Variants in LYPLAL1 observed in about 807,000 individuals in gnomAD.
LYPLAL1 encodes the protein lysophospholipase-like protein 1.
In LYPLAL1, 23 loss-of-function variants were observed where a neutral mutation model predicts 19.7. The ratio of observed to expected loss-of-function variants is 1.17; its 90% CI spans 0.84 to 1.65. The LOEUF (loss-of-function observed/expected upper bound fraction) is 1.65, where lower values mean the gene tolerates loss of function less well. LYPLAL1 is among the 40% of genes most tolerant of loss of function. The pLI, the probability that LYPLAL1 is intolerant of heterozygous loss-of-function variation, is 0.00. For missense variants in LYPLAL1, 355 were observed against 279.4 expected (o/e 1.27, Z -1.93); for synonymous variants, 119 against 96.3 (o/e 1.24, Z -1.38).
the LYPLAL1 span, among the ~76,000 whole-genome samples, chr1:219,395,827 G>T: frequency 2.0e-5 from 3 of 152,040 alleles, no homozygotes; most frequent in Non-Finnish European, 2.9e-5. Context: ...GTTTTGGCTG[G>T]ATGCGGTGGC....
the LYPLAL1 span, among the ~76,000 whole-genome samples, chr1:219,332,549 A>G: frequency 1.2e-4 from 19 of 152,242 alleles, no homozygotes; most frequent in African/African-American, 3.9e-4. Context: ...GATCATTGAA[A>G]CAACTTCTCA....
At chr1:219,401,441 A>G in the LYPLAL1 span, among the ~76,000 whole-genome samples, 34,389 of 149,836 alleles carry the variant, frequency 0.23, 5,003 homozygotes, top group East Asian at 0.53. Flanking sequence ...CCATACATCT[A>G]TCAAGAGATA....
At chr1:219,174,856 T>A (rs1190596796) in intron 1 of LYPLAL1, 2 of 972,978 alleles carry the variant, frequency 2.1e-6, no homozygotes, top group Non-Finnish European at 2.4e-6. Context: ...ACAAAAACAA[T>A]CCAATTAGTT....
At chr1:219,379,761 C>G in the LYPLAL1 span, among the ~76,000 whole-genome samples, 2 of 152,170 alleles carry the variant, frequency 1.3e-5, no homozygotes, top group Non-Finnish European at 2.9e-5. Flanking sequence ...TTGAGACTAC[C>G]TTAATGGAAG....
Position 219,210,516 on chromosome 1 carries a change from A to T in LYPLAL1, c.362-16A>T, listed in dbSNP as rs200404813. ...TATTTTATGTATTCTACTTTTAAGT[A>T]TGTTTTTGTTTTTAGGAGGATTCTC... On this transcript the variant is annotated splice_polypyrimidine_tract_variant and intron_variant, in intron 3 of 4. Coordinates refer to ENST00000366928, the MANE Select transcript of LYPLAL1 (RefSeq NM_138794.5). 8.7e-4 allele frequency: 1,219 copies of T among 1,409,170 alleles called. 11 individuals are homozygous for T. The African/African-American group carries it at 0.018, about 21-fold the overall frequency. 87.3% of individuals were successfully genotyped at this position (1,409,170 alleles called of 1,614,324 possible). A position where few individuals can be genotyped will look rare whatever the true frequency, so the allele number is the denominator to read the frequency against.
chr1:219,312,514 C>T, the LYPLAL1 span, among the ~76,000 whole-genome samples: 79 of 152,242 alleles, frequency 5.2e-4, 1 homozygote, highest in South Asian at 0.015. Context: ...GGGGAAACCA[C>T]GCCAGGGAGC....
the LYPLAL1 span, among the ~76,000 whole-genome samples, chr1:219,395,846 G>A: frequency 1.9e-3 from 293 of 152,220 alleles, 2 homozygotes; most frequent in African/African-American, 6.6e-3. Context: ...GCTCACACCT[G>A]TAATCCCAGC....
chr1:219,329,788 A>AGC, the LYPLAL1 span, among the ~76,000 whole-genome samples: 2 of 152,196 alleles, frequency 1.3e-5, no homozygotes, highest in Non-Finnish European at 2.9e-5. Flanking sequence ...ATGACAGCAT[A>AGC]TAGAAAGAAC....
intron 3 of LYPLAL1, among the ~76,000 whole-genome samples, chr1:219,203,087 T>TGA (rs75909616): frequency 6.6e-6 from 1 of 151,800 alleles, no homozygotes; most frequent in Non-Finnish European, 1.5e-5. Context: ...GTTGTTAACC[T>TGA]TTTATTTTGT....
chr1:219,273,044 A>G, the LYPLAL1 span: 2 of 152,220 alleles, frequency 1.3e-5, no homozygotes, highest in Middle Eastern at 3.2e-3. Flanking sequence ...GAATATGACA[A>G]TGACTCAATA....
At chr1:219,344,054 G>A in the LYPLAL1 span, among the ~76,000 whole-genome samples, 4 of 152,072 alleles carry the variant, frequency 2.6e-5, no homozygotes, top group African/African-American at 9.7e-5. Flanking sequence ...CCTCCACCTA[G>A]GGCTTGTGGA....
the LYPLAL1 span, among the ~76,000 whole-genome samples, chr1:219,370,959 G>A: frequency 1.8e-3 from 276 of 152,280 alleles, no homozygotes; most frequent in Middle Eastern, 6.8e-3. Context: ...ATGAGAAGAA[G>A]TATAAAGTAA....
the LYPLAL1 span, among the ~76,000 whole-genome samples, chr1:219,269,312 G>A: frequency 6.6e-6 from 1 of 152,162 alleles, no homozygotes; most frequent in Admixed American, 6.5e-5. Flanking sequence ...TAATGAATAG[G>A]GAAATGCTTC....
chr1:219,225,600 T>C, the LYPLAL1 span: 1 of 152,238 alleles, frequency 6.6e-6, no homozygotes, highest in Admixed American at 6.5e-5. Context: ...ATAATCAGTT[T>C]GGATGGATCT....
chr1:219,436,722 A>G, the LYPLAL1 span, among the ~76,000 whole-genome samples: 1 of 152,168 alleles, frequency 6.6e-6, no homozygotes, highest in Non-Finnish European at 1.5e-5. Context: ...TGGGCAGTGA[A>G]TTTTATTATT....
the LYPLAL1 span, among the ~76,000 whole-genome samples, chr1:219,323,040 T>C: frequency 1.3e-5 from 2 of 152,192 alleles, no homozygotes; most frequent in African/African-American, 2.4e-5. Context: ...TTTTGTTCAT[T>C]AATTTCTATA....
At chr1:219,392,306 A>G in the LYPLAL1 span, among the ~76,000 whole-genome samples, 1 of 152,194 alleles carries the variant, frequency 6.6e-6, no homozygotes, top group Non-Finnish European at 1.5e-5. Flanking sequence ...TGTAATTTTA[A>G]AGTAAATGAC....
chr1:219,216,566 C>A (rs538941641), downstream of LYPLAL1, among the ~76,000 whole-genome samples: 2 of 152,092 alleles, frequency 1.3e-5, no homozygotes, highest in Admixed American at 1.3e-4. Flanking sequence ...CTATAGCTAG[C>A]GGGAACACAA....
chr1:219,306,817 TAGATAG>T, the LYPLAL1 span, among the ~76,000 whole-genome samples: 1 of 84,058 alleles, frequency 1.2e-5, no homozygotes, highest in East Asian at 4.8e-4. Context: ...TAGATATAGA[TAGATAG>T]ATAGATAGAT....
Sources: gnomAD v4.1 joint callset for allele counts (sites outside exome capture counted in the v4.1 genomes callset) on GRCh38, gnomAD v4.1.1 for gene constraint, MANE v1.5 for transcripts, NCBI Gene and HGNC (gene_info 2026-07-23, HGNC 2026-07-21) for gene names.